The following SLC10A7 variants were observed in gnomAD, a reference collection of about 807,000 sequenced individuals.
The protein encoded by SLC10A7 is sodium/bile acid cotransporter 7.
A neutral mutation model predicts 43.2 loss-of-function variants in SLC10A7; 29 were observed. The observed-to-expected ratio is 0.67, with a 90% CI of 0.50 to 0.92. SLC10A7 has a LOEUF of 0.92. Among genes scored for constraint, SLC10A7 ranks in the 40% least tolerant of loss-of-function variants. SLC10A7 has a pLI of 0.00. For synonymous variants in SLC10A7, 152 were observed against 144.8 expected, an observed-to-expected ratio of 1.05 and a Z score of -0.35; for missense variants, 295 against 403.2, an observed-to-expected ratio of 0.73 and a Z score of 2.30.
intron 2 of SLC10A7, among the ~76,000 whole-genome samples, chr4:146,512,929 A>G (rs1452566529): frequency 6.6e-6 from 1 of 152,142 alleles, no homozygotes; most frequent in Non-Finnish European, 1.5e-5. Context: ...ATGTACAAAA[A>G]AAATGGGCTT....
intron 4 of SLC10A7, among the ~76,000 whole-genome samples, chr4:146,464,673 T>C (rs950645201): frequency 5.3e-5 from 8 of 151,624 alleles, no homozygotes; most frequent in African/African-American, 1.9e-4. Flanking sequence ...CCATTAAGAA[T>C]AACAGTAATT....
chr4:146,367,269 T>C (rs1398071640), intron 5 of SLC10A7, among the ~76,000 whole-genome samples: 1 of 152,090 alleles, frequency 6.6e-6, no homozygotes, highest in Non-Finnish European at 1.5e-5. Context: ...CTGTTGAGGC[T>C]TTACCTATTA....
rs1205324860 is a variant in SLC10A7, at chr4:146,503,893, C to A, written c.352G>T (p.Val118Leu). 6.2e-7 allele frequency: 1 copy of A among 1,614,076 alleles called. No individual in the cohort carries two copies. The highest frequency in any genetic ancestry group is 1.3e-5 in the African/African-American group (1 of 74,944). The change falls in exon 4 of 12, where the codon GTG becomes TTG. Residue 118 changes from valine to leucine, a missense_variant. By Grantham distance (32) the Val-to-Leu change is conservative. This residue lies in a region of SLC10A7 where 242 missense variants were observed against 362.5 expected (regional missense o/e 0.67). Transcript: ENST00000335472. ...LQTVGCMPPPVSSAVILTKAV... is the reference protein window; with the variant it reads ...LQTVGCMPPPLSSAVILTKAV... ...TTGGTTAAAATCACTGCAGAAGACA[C>A]AGGCGGAGGCATGCAACCTACTGTC... is the stretch of plus-strand genomic sequence containing the variant.
At chr4:146,504,518 CAAAA>C (rs5862761) in intron 3 of SLC10A7, among the ~76,000 whole-genome samples, 8 of 88,568 alleles carry the variant, frequency 9.0e-5, no homozygotes, top group Admixed American at 1.2e-4. Context: ...GACTCCGTCT[CAAAA>C]AAAAAAAAAA....
chr4:146,293,853 T>G, intron 8 of SLC10A7, 77 bp downstream of exon 8: 1 of 915,158 alleles, frequency 1.1e-6, no homozygotes, highest in Non-Finnish European at 1.6e-6. Context: ...TAGACATGAA[T>G]TTAGAGAACA....
intron 4 of SLC10A7, among the ~76,000 whole-genome samples, chr4:146,463,011 A>G (rs1732677363): frequency 6.6e-6 from 1 of 152,180 alleles, no homozygotes; most frequent in Non-Finnish European, 1.5e-5. Context: ...ATCCTTCTAC[A>G]GGCACCATTT....
chr4:146,482,626 T>C (rs1043321392), intron 4 of SLC10A7, among the ~76,000 whole-genome samples: 1 of 150,952 alleles, frequency 6.6e-6, no homozygotes, highest in African/African-American at 2.4e-5. Context: ...ATGGGACTTA[T>C]GGGATGCCAC....
At chr4:146,374,065 ATTC>A (rs1227700559) in intron 5 of SLC10A7, among the ~76,000 whole-genome samples, 2 of 152,228 alleles carry the variant, frequency 1.3e-5, no homozygotes, top group Non-Finnish European at 2.9e-5. Context: ...CTGGAGTGCT[ATTC>A]ATTGGCCTCA....
intron 4 of SLC10A7, among the ~76,000 whole-genome samples, chr4:146,475,457 A>T (rs1232627079): frequency 6.6e-6 from 1 of 152,228 alleles, no homozygotes; most frequent in Non-Finnish European, 1.5e-5. Context: ...CAACAGAGTT[A>T]GAAGTCACAA....
chr4:146,467,076 G>A (rs1180225795), intron 4 of SLC10A7, among the ~76,000 whole-genome samples: 1 of 152,148 alleles, frequency 6.6e-6, no homozygotes, highest in East Asian at 1.9e-4. Flanking sequence ...CTAAGAGCTT[G>A]CTAAAAGCCG....
chr4:146,460,129 T>G lies in SLC10A7; in HGVS notation c.397-17308A>C, dbSNP rs558782827. ...GTAGAGAACTATTAATTAATTAAAA[T>G]CACAATGAGATAACACTATTTACCA... On this transcript the variant is annotated intron_variant, in intron 4 of 11. Coordinates refer to ENST00000335472, the MANE Select transcript of SLC10A7 (RefSeq NM_001029998.6). Among the ~76,000 whole-genome samples, 4 of 152,016 alleles carry G rather than the reference T, an allele frequency of 2.6e-5. No individual in the cohort carries two copies. In the South Asian group the frequency reaches 8.3e-4, roughly 31 times the overall value.
intron 2 of SLC10A7, among the ~76,000 whole-genome samples, chr4:146,515,332 T>G (rs1176868387): frequency 6.6e-6 from 1 of 152,204 alleles, no homozygotes; most frequent in Non-Finnish European, 1.5e-5. Flanking sequence ...GCAAGATCAG[T>G]CCAACATTAT....
chr4:146,431,919 A>G (rs2149871335), intron 5 of SLC10A7, among the ~76,000 whole-genome samples: 1 of 152,348 alleles, frequency 6.6e-6, no homozygotes, highest in East Asian at 1.9e-4. Flanking sequence ...TGTCCAAAAC[A>G]TACTTAAAAA....
At chr4:146,281,309 G>A (rs1729534642) in intron 10 of SLC10A7, among the ~76,000 whole-genome samples, 1 of 150,682 alleles carries the variant, frequency 6.6e-6, no homozygotes. Flanking sequence ...ACTAGCTCTA[G>A]CACAGAACAG....
At chr4:146,516,978 T>A in intron 2 of SLC10A7, 60 bp downstream of exon 2, 2 of 1,306,356 alleles carry the variant, frequency 1.5e-6, no homozygotes, top group Non-Finnish European at 2.1e-6. Context: ...CTCTTAAATT[T>A]AAGTAAGTAC....
chr4:146,390,167 T>C (rs1738314993), intron 5 of SLC10A7, among the ~76,000 whole-genome samples: 1 of 152,212 alleles, frequency 6.6e-6, no homozygotes. Context: ...GACAACGAGC[T>C]CTTTAGTTGT....
At chr4:146,310,767 G>C (rs542487709) in intron 6 of SLC10A7, among the ~76,000 whole-genome samples, 11 of 152,118 alleles carry the variant, frequency 7.2e-5, no homozygotes, top group African/African-American at 2.4e-4. Flanking sequence ...ACCTGGACAA[G>C]GTCACCATAG....
intron 7 of SLC10A7, among the ~76,000 whole-genome samples, chr4:146,303,388 T>G (rs1731291996): frequency 6.6e-6 from 1 of 151,394 alleles, no homozygotes; most frequent in African/African-American, 2.4e-5. Context: ...TTTTTTTTTT[T>G]TTTGAGACAT....
intron 6 of SLC10A7, among the ~76,000 whole-genome samples, chr4:146,317,410 G>C (rs1169845744): frequency 6.6e-6 from 1 of 152,054 alleles, no homozygotes. Context: ...TCTAGTTGGA[G>C]AACATAGATA....
Sources: gnomAD v4.1 joint callset for allele counts (sites outside exome capture counted in the v4.1 genomes callset) on GRCh38, gnomAD v4.1.1 for gene constraint, gnomAD v4.1.1 regional missense constraint, MANE v1.5 for transcripts, NCBI Gene and HGNC (gene_info 2026-07-23, HGNC 2026-07-21) for gene names.